Variants in CCDC82 observed in about 807,000 individuals in gnomAD.
CCDC82 encodes the protein coiled-coil domain containing 82, also known as coiled-coil domain-containing protein 82.
Under a neutral mutation model 60.6 loss-of-function variants are expected in CCDC82, and 47 were observed. The observed-to-expected ratio is 0.77, with a 90% CI of 0.61 to 0.99. CCDC82 has a LOEUF of 0.99. Ranked by LOEUF, CCDC82 falls within the 50% of genes least tolerant of loss-of-function variation. The pLI is 0.00. For missense variants in CCDC82, 588 were observed against 633.0 expected (o/e 0.93, Z 0.76); for synonymous variants, 212 against 207.4 (o/e 1.02, Z -0.19).
Position 96,356,683 on chromosome 11 carries a change from T to C in CCDC82, c.1566+2310A>G, listed in dbSNP as rs1170515116. On this transcript the variant is annotated intron_variant, in intron 9 of 9. Transcript: ENST00000646818. ...TATTTTGGTTTTATTATAATTTTCC[T>C]ATTATCTATTCTTTTCTTATACTCA... 7.4e-6 allele frequency: 7 copies of C among 950,874 alleles called. No homozygotes were observed. The South Asian group carries it at 1.5e-4, about 20-fold the overall frequency. The allele number at this position is 950,874 out of a possible 1,614,324, so 58.9% of individuals were successfully genotyped here.
chr11:96,362,699 G>A (rs1294514975), intron 8 of CCDC82, among the ~76,000 whole-genome samples: 5 of 152,044 alleles, frequency 3.3e-5, no homozygotes, highest in Admixed American at 6.5e-5. Context: ...TATCAATACT[G>A]CTGTAACCAA....
chr11:96,382,303 A>G (rs1865914742), intron 5 of CCDC82: 1 of 151,866 alleles, frequency 6.6e-6, no homozygotes, highest in African/African-American at 2.4e-5. Flanking sequence ...AAAAAGAACA[A>G]TTCGGTGTTT....
intron 5 of CCDC82, among the ~76,000 whole-genome samples, chr11:96,379,043 AGTTAG>A (rs1405867428): frequency 6.6e-6 from 1 of 151,946 alleles, no homozygotes; most frequent in Admixed American, 6.6e-5. Context: ...CTGAATTTAG[AGTTAG>A]GAGATTTTCT....
intron 9 of CCDC82, chr11:96,356,275 TG>T (rs1864344643): frequency 3.6e-6 from 1 of 274,196 alleles, no homozygotes; most frequent in African/African-American, 2.3e-5. Context: ...GGGAAAAAGT[TG>T]AAAAGGAGGG....
intron 7 of CCDC82, among the ~76,000 whole-genome samples, chr11:96,367,961 C>T (rs903694739): frequency 1.5e-4 from 23 of 151,508 alleles, no homozygotes; most frequent in African/African-American, 5.6e-4. Flanking sequence ...GCTGGAATTA[C>T]AGGTGTGCAC....
chr11:96,366,339 T>C (rs1054075726), intron 7 of CCDC82, among the ~76,000 whole-genome samples: 2 of 152,220 alleles, frequency 1.3e-5, no homozygotes, highest in African/African-American at 4.8e-5. Flanking sequence ...TTATCCTAAT[T>C]AAGATCTTAC....
intron 5 of CCDC82, among the ~76,000 whole-genome samples, chr11:96,376,441 T>C (rs985958794): frequency 6.6e-6 from 1 of 151,900 alleles, no homozygotes; most frequent in Non-Finnish European, 1.5e-5. Flanking sequence ...TTTTTTTTTT[T>C]TTTGAGCCGG....
At chr11:96,361,627 C>T (rs1438534898) in intron 8 of CCDC82, among the ~76,000 whole-genome samples, 2 of 152,168 alleles carry the variant, frequency 1.3e-5, no homozygotes, top group African/African-American at 4.8e-5. Context: ...ACCCCTCACT[C>T]ATTCCTGTTT....
chr11:96,365,250 A>G, intron 7 of CCDC82, 100 bp from the exon 8 acceptor site: 1 of 719,182 alleles, frequency 1.4e-6, no homozygotes, highest in Non-Finnish European at 2.2e-6. Context: ...CAATACAAAG[A>G]GATATAAGAG....
At chr11:96,372,794 G>A (rs948134838) in intron 6 of CCDC82, among the ~76,000 whole-genome samples, 1 of 147,762 alleles carries the variant, frequency 6.8e-6, no homozygotes, top group Admixed American at 6.8e-5. Flanking sequence ...TATGATAAGG[G>A]AAGAAAGCAA....
chr11:96,372,598 G>A (rs1437689100), intron 6 of CCDC82, among the ~76,000 whole-genome samples: 1 of 146,964 alleles, frequency 6.8e-6, no homozygotes, highest in Non-Finnish European at 1.5e-5. Context: ...GCCAGATTCT[G>A]TGCTAGATGC....
chr11:96,383,610 A>G (rs1267311075), intron 4 of CCDC82, 137 bp from the exon 5 acceptor site: 5 of 587,090 alleles, frequency 8.5e-6, no homozygotes, highest in Non-Finnish European at 1.1e-5. Flanking sequence ...TTAAAAATAA[A>G]TAATTTTGTC....
rs199979129 is a variant in CCDC82, at chr11:96,372,623, TATATATATATAAATATAA to T, written c.1084+734_1084+751del. Among the ~76,000 whole-genome samples, 417 of 146,048 alleles carry T rather than the reference TATATATATATAAATATAA, an allele frequency of 2.9e-3. 5 individuals are homozygous for T. In the East Asian group the frequency reaches 0.047, roughly 17 times the overall value. ...GTGCTAGATGCAAGAGAAATGGGGA[TATATATATATAAATATAA>T]ATATATATATAAATATAAATATATA... On this transcript the variant is annotated intron_variant, in intron 6 of 9. Transcript: ENST00000646818.
intron 6 of CCDC82, among the ~76,000 whole-genome samples, chr11:96,371,756 A>G (rs986469115): frequency 6.6e-6 from 1 of 152,220 alleles, no homozygotes; most frequent in Non-Finnish European, 1.5e-5. Flanking sequence ...GCCGTCTACA[A>G]TTGACTCCAT....
intron 9 of CCDC82, chr11:96,354,871 G>C (rs1864267950): frequency 6.6e-6 from 1 of 152,198 alleles, no homozygotes; most frequent in Non-Finnish European, 1.5e-5. Context: ...AGTGAAATGA[G>C]AGAGGATCCT....
At chr11:96,385,445 T>C (rs1470226911) in intron 3 of CCDC82, 1 of 152,064 alleles carries the variant, frequency 6.6e-6, no homozygotes. Context: ...AATAGAGAAA[T>C]GATATAAAGT....
intron 5 of CCDC82, among the ~76,000 whole-genome samples, chr11:96,377,811 T>G (rs908371992): frequency 6.6e-6 from 1 of 152,118 alleles, no homozygotes; most frequent in Non-Finnish European, 1.5e-5. Flanking sequence ...TTTGCAAAAC[T>G]ATTTTCATCA....
At chr11:96,370,651 G>C (rs1865212898) in intron 7 of CCDC82, among the ~76,000 whole-genome samples, 1 of 152,070 alleles carries the variant, frequency 6.6e-6, no homozygotes, top group Non-Finnish European at 1.5e-5. Flanking sequence ...TAATGCTTGG[G>C]AAAAGTCTTC....
At chr11:96,379,108 G>A (rs1301701533) in intron 5 of CCDC82, among the ~76,000 whole-genome samples, 1 of 151,888 alleles carries the variant, frequency 6.6e-6, no homozygotes, top group African/African-American at 2.4e-5. Context: ...GAATGAATCT[G>A]GGAATACTAG....
Sources: allele counts gnomAD v4.1 joint callset (sites outside exome capture counted in the v4.1 genomes callset), GRCh38; gene constraint gnomAD v4.1.1; transcripts MANE v1.5; gene names NCBI Gene and HGNC (gene_info 2026-07-23, HGNC 2026-07-21).